MRTFB: variants seen among roughly 807,000 people sequenced by gnomAD.
The protein encoded by MRTFB is myocardin-related transcription factor B.
A neutral mutation model predicts 104.2 loss-of-function variants in MRTFB; 29 were observed. That is an observed-to-expected ratio of 0.28 (90% CI 0.21 to 0.38). MRTFB has a LOEUF of 0.38. Ranked by LOEUF, MRTFB falls within the 10% of genes least tolerant of loss-of-function variation. MRTFB has a pLI of 1.00. For missense variants in MRTFB, 1,270 were observed against 1,341.6 expected, an observed-to-expected ratio of 0.95 and a Z score of 0.83; for synonymous variants, 535 against 519.5, an observed-to-expected ratio of 1.03 and a Z score of -0.41.
intron 2 of MRTFB, among the ~76,000 whole-genome samples, chr16:14,101,673 G>T (rs552511085): frequency 6.6e-6 from 1 of 152,152 alleles, no homozygotes; most frequent in Admixed American, 6.5e-5. Flanking sequence ...ACAAGATTCT[G>T]TTGAAGAGGA....
At chr16:14,231,099 C>T (rs1253913052) in intron 8 of MRTFB, among the ~76,000 whole-genome samples, 1 of 144,022 alleles carries the variant, frequency 6.9e-6, no homozygotes, top group Non-Finnish European at 1.5e-5. Flanking sequence ...CACATGGACA[C>T]AGGAAGGGGA....
intron 3 of MRTFB, among the ~76,000 whole-genome samples, chr16:14,175,418 T>G (rs2039547688): frequency 6.6e-6 from 1 of 152,210 alleles, no homozygotes; most frequent in African/African-American, 2.4e-5. Context: ...AATTTTGAGA[T>G]TCATCCATGT....
the MRTFB span, among the ~76,000 whole-genome samples, chr16:14,015,351 C>G: frequency 1.3e-5 from 2 of 152,162 alleles, no homozygotes; most frequent in Non-Finnish European, 2.9e-5. Context: ...CTCTCTTCCC[C>G]AAATAATTCA....
At chr16:14,088,058 A>G (rs1237097929) in intron 2 of MRTFB, among the ~76,000 whole-genome samples, 1 of 152,132 alleles carries the variant, frequency 6.6e-6, no homozygotes, top group East Asian at 1.9e-4. Context: ...GTGGAAATGG[A>G]TGGAGGGGAA....
At chr16:14,190,493 A>G (rs915797359) in intron 3 of MRTFB, among the ~76,000 whole-genome samples, 1 of 152,242 alleles carries the variant, frequency 6.6e-6, no homozygotes, top group African/African-American at 2.4e-5. Flanking sequence ...CATTATTGAG[A>G]TAAATGAATC....
the MRTFB span, chr16:14,015,773 A>G: frequency 2.5e-6 from 1 of 396,808 alleles, no homozygotes; most frequent in African/African-American, 2.1e-5. Flanking sequence ...GTGATCCTTA[A>G]AGATGCAGGC....
chr16:14,230,917 A>C (rs1175731565), intron 8 of MRTFB, among the ~76,000 whole-genome samples: 1 of 151,254 alleles, frequency 6.6e-6, no homozygotes, highest in Non-Finnish European at 1.5e-5. Context: ...GATTAAGAAA[A>C]TGTGGCACAT....
intron 4 of MRTFB, among the ~76,000 whole-genome samples, chr16:14,211,272 C>T (rs1204205296): frequency 6.6e-6 from 1 of 152,096 alleles, no homozygotes; most frequent in Non-Finnish European, 1.5e-5. Context: ...TCCACCACCA[C>T]CACCACCACA....
chr16:14,058,569 C>T, the MRTFB span, among the ~76,000 whole-genome samples: 1 of 152,228 alleles, frequency 6.6e-6, no homozygotes, highest in Admixed American at 6.5e-5. Flanking sequence ...AAATATGGTG[C>T]TTGTAGCTGC....
intron 3 of MRTFB, chr16:14,187,056 G>A (rs765231795): frequency 6.3e-7 from 1 of 1,579,182 alleles, no homozygotes; most frequent in East Asian, 2.3e-5. Flanking sequence ...CTGTGGACAG[G>A]GGCAAAACTG....
At chr16:14,127,649 A>T (rs1299589495) in intron 2 of MRTFB, among the ~76,000 whole-genome samples, 1 of 150,610 alleles carries the variant, frequency 6.6e-6, no homozygotes, top group Admixed American at 6.6e-5. Flanking sequence ...TCTCAAAAAA[A>T]AAAAAAAAAA....
intron 2 of MRTFB, among the ~76,000 whole-genome samples, chr16:14,080,799 G>A (rs2034352228): frequency 6.6e-6 from 1 of 152,150 alleles, no homozygotes; most frequent in Admixed American, 6.5e-5. Context: ...AAGAGGTGAT[G>A]TTCTCCAGGT....
In MRTFB at chr16:14,264,873, C is replaced by T. The variant is rs2043893366; in HGVS notation, c.*3429C>T. On this transcript the variant is annotated 3_prime_UTR_variant, in exon 17 of 17. Coordinates refer to ENST00000571589, the MANE Select transcript of MRTFB (RefSeq NM_001308142.2). ...CTCAGGCTTCCTGGACCCTCAACCCCAGATCATTCCAGGCAGCATAGCTTT... is the reference window on the plus strand; with the variant it reads ...CTCAGGCTTCCTGGACCCTCAACCCTAGATCATTCCAGGCAGCATAGCTTT... 6.6e-6 allele frequency: 1 copy of T among 152,256 alleles called. No homozygotes were observed. Among genetic ancestry groups the T allele is most frequent in the East Asian group, 1.9e-4 (1 of 5,198 alleles). 9.4% of individuals were successfully genotyped at this position (152,256 alleles called of 1,614,324 possible). A position where few individuals can be genotyped will look rare whatever the true frequency, so the allele number is the denominator to read the frequency against.
the MRTFB span, among the ~76,000 whole-genome samples, chr16:14,017,687 G>GTATATATATATATATATATATATA: frequency 8.8e-4 from 6 of 6,806 alleles, no homozygotes; most frequent in Non-Finnish European, 2.9e-3. Flanking sequence ...GTGTGTGTGT[G>GTATATATATATATATATATATATA]TATATATATA....
chr16:14,154,227 T>C (rs936364033), intron 3 of MRTFB, among the ~76,000 whole-genome samples: 1 of 152,128 alleles, frequency 6.6e-6, no homozygotes, highest in Non-Finnish European at 1.5e-5. Flanking sequence ...CCCTGCTACT[T>C]GCGGGGCTGA....
the MRTFB span, among the ~76,000 whole-genome samples, chr16:14,044,879 A>C: frequency 0.81 from 123,459 of 152,146 alleles, 51,918 homozygotes; most frequent in East Asian, 0.99. Context: ...TTGCCCCAAC[A>C]CTGTCCCAGC....
intron 2 of MRTFB, among the ~76,000 whole-genome samples, chr16:14,091,994 CAAAAAAAA>C (rs10523985): frequency 1.1e-4 from 9 of 82,078 alleles, no homozygotes; most frequent in East Asian, 3.2e-4. Flanking sequence ...GACTTCATCT[CAAAAAAAA>C]AAAAAAAAAA....
intron 3 of MRTFB, among the ~76,000 whole-genome samples, chr16:14,174,722 ATTTT>A (rs1277866939): frequency 6.6e-6 from 1 of 151,928 alleles, no homozygotes; most frequent in African/African-American, 2.4e-5. Flanking sequence ...GTCACATACA[ATTTT>A]TTTTAATTTG....
At chr16:14,099,713 G>A (rs1301954129) in intron 2 of MRTFB, among the ~76,000 whole-genome samples, 1 of 150,340 alleles carries the variant, frequency 6.7e-6, no homozygotes, top group African/African-American at 2.5e-5. Flanking sequence ...TGTCGTCCAG[G>A]CTGGAGTGCA....
Sources: gnomAD v4.1 joint callset for allele counts (sites outside exome capture counted in the v4.1 genomes callset) on GRCh38, gnomAD v4.1.1 for gene constraint, MANE v1.5 for transcripts, NCBI Gene and HGNC (gene_info 2026-07-23, HGNC 2026-07-21) for gene names.